The following ANKS1B variants were observed in gnomAD, a reference collection of about 807,000 sequenced individuals.
ANKS1B encodes the protein ankyrin repeat and sterile alpha motif domain containing 1B.
ANKS1B carries 36 observed loss-of-function variants against 148.3 expected under a neutral mutation model. The ratio of observed to expected loss-of-function variants is 0.24; its 90% CI spans 0.19 to 0.32. The LOEUF is 0.32. ANKS1B is among the 10% of genes least tolerant of loss of function. ANKS1B has a pLI of 1.00. For missense variants in ANKS1B, 1,157 were observed against 1,542.6 expected (o/e 0.75, Z 4.19); for synonymous variants, 542 against 560.8 (o/e 0.97, Z 0.47).
chr12:99,911,690 T>TA (rs1356838839), intron 1 of ANKS1B, among the ~76,000 whole-genome samples: 5 of 152,182 alleles, frequency 3.3e-5, no homozygotes, highest in Non-Finnish European at 7.3e-5. Flanking sequence ...AGAATAGTAT[T>TA]AAAAAACCCA....
intron 1 of ANKS1B, among the ~76,000 whole-genome samples, chr12:99,924,257 A>C (rs1368958787): frequency 3.9e-5 from 6 of 152,192 alleles, no homozygotes; most frequent in Non-Finnish European, 5.9e-5. Flanking sequence ...ACATGAGTTT[A>C]TAATGCATGT....
intron 10 of ANKS1B, among the ~76,000 whole-genome samples, chr12:99,474,453 T>G (rs1201778524): frequency 6.6e-6 from 1 of 152,062 alleles, no homozygotes; most frequent in Non-Finnish European, 1.5e-5. Flanking sequence ...GTGGTTACAT[T>G]AAATATAAGT....
At chr12:99,586,420 C>T (rs2097640842) in intron 9 of ANKS1B, among the ~76,000 whole-genome samples, 1 of 152,172 alleles carries the variant, frequency 6.6e-6, no homozygotes, top group Admixed American at 6.5e-5. Context: ...TTGGTCAGAG[C>T]CATTCAACAA....
At chr12:99,391,559 C>G (rs2094070237) in intron 12 of ANKS1B, among the ~76,000 whole-genome samples, 1 of 152,200 alleles carries the variant, frequency 6.6e-6, no homozygotes, top group East Asian at 1.9e-4. Flanking sequence ...GAGATACTCT[C>G]ACAGCACTTT....
At chr12:99,469,529 C>G (rs2096201835) in intron 10 of ANKS1B, among the ~76,000 whole-genome samples, 1 of 152,102 alleles carries the variant, frequency 6.6e-6, no homozygotes, top group Admixed American at 6.6e-5. Context: ...TCTAATTTGT[C>G]TTTATATCAC....
intron 10 of ANKS1B, among the ~76,000 whole-genome samples, chr12:99,464,126 C>T (rs796553958): frequency 2.0e-5 from 3 of 152,144 alleles, no homozygotes; most frequent in Admixed American, 1.3e-4. Context: ...GCAGCATTCG[C>T]GGTTGATGAA....
intron 17 of ANKS1B, among the ~76,000 whole-genome samples, chr12:99,047,108 A>G (rs76878482): frequency 0.011 from 1,731 of 152,268 alleles, 46 homozygotes; most frequent in East Asian, 0.094. Context: ...AGTAATAGAA[A>G]ATATTCTGAG....
intron 1 of ANKS1B, among the ~76,000 whole-genome samples, chr12:99,909,890 T>C (rs1052293273): frequency 1.4e-4 from 21 of 152,134 alleles, no homozygotes; most frequent in Non-Finnish European, 2.5e-4. Flanking sequence ...ATAGTGACTA[T>C]TTCTCCTGGA....
At chr12:99,186,141 C>T (rs2079815438) in intron 14 of ANKS1B, among the ~76,000 whole-genome samples, 2 of 152,204 alleles carry the variant, frequency 1.3e-5, no homozygotes, top group South Asian at 2.1e-4. Flanking sequence ...CAACTGTGCA[C>T]AGCCTACTGC....
chr12:99,916,222 T>C (rs2094165914), intron 1 of ANKS1B, among the ~76,000 whole-genome samples: 1 of 152,192 alleles, frequency 6.6e-6, no homozygotes, highest in African/African-American at 2.4e-5. Context: ...GAGCTAATGT[T>C]TCTCCAATAA....
chr12:99,648,080 C>G (rs1461572343), intron 9 of ANKS1B: 1 of 1,505,078 alleles, frequency 6.6e-7, no homozygotes, highest in East Asian at 2.3e-5. Flanking sequence ...TGCTGGCCCA[C>G]CTGCCAGAGT....
chr12:98,933,513 C>T (rs1482925269), intron 17 of ANKS1B, among the ~76,000 whole-genome samples: 1 of 152,024 alleles, frequency 6.6e-6, no homozygotes, highest in Non-Finnish European at 1.5e-5. Flanking sequence ...GGGATACATA[C>T]CCAGAAGTAG....
chr12:99,268,540 C>A (rs1220763873), intron 12 of ANKS1B, among the ~76,000 whole-genome samples: 1 of 152,164 alleles, frequency 6.6e-6, no homozygotes, highest in Non-Finnish European at 1.5e-5. Flanking sequence ...ACAGAGTTCA[C>A]CCCTTGTAAT....
At chr12:98,966,923 A>G (rs2099878546) in intron 17 of ANKS1B, among the ~76,000 whole-genome samples, 1 of 151,948 alleles carries the variant, frequency 6.6e-6, no homozygotes, top group South Asian at 2.1e-4. Context: ...TAACAGTAGG[A>G]GATATACCTA....
At chr12:98,957,874 C>T (rs180966769) in intron 17 of ANKS1B, among the ~76,000 whole-genome samples, 4 of 152,262 alleles carry the variant, frequency 2.6e-5, no homozygotes, top group African/African-American at 7.2e-5. Flanking sequence ...AGAGTGACTG[C>T]CTTTATAGAC....
At chr12:99,735,567 T>C (rs2059536351) in intron 8 of ANKS1B, among the ~76,000 whole-genome samples, 1 of 151,934 alleles carries the variant, frequency 6.6e-6, no homozygotes. Flanking sequence ...ATCAGGAAGA[T>C]ACAGAAAACC....
chr12:99,047,061 G>A (rs947243788), intron 17 of ANKS1B, among the ~76,000 whole-genome samples: 3 of 152,156 alleles, frequency 2.0e-5, no homozygotes, highest in Non-Finnish European at 4.4e-5. Flanking sequence ...TAATACTGAT[G>A]TATTTGGGGT....
chr12:99,561,695 G>C (rs1021168939), intron 9 of ANKS1B, among the ~76,000 whole-genome samples: 2 of 151,866 alleles, frequency 1.3e-5, no homozygotes, highest in Non-Finnish European at 2.9e-5. Flanking sequence ...CCATCTACAG[G>C]CTCCATTTCT....
At chr12:99,707,101 T>C (rs1600210718) in intron 8 of ANKS1B, among the ~76,000 whole-genome samples, 2 of 152,102 alleles carry the variant, frequency 1.3e-5, no homozygotes, top group Non-Finnish European at 2.9e-5. Context: ...CAGCAATAGA[T>C]GAATAAAGGA....
Sources: allele counts gnomAD v4.1 joint callset (sites outside exome capture counted in the v4.1 genomes callset), GRCh38; gene constraint gnomAD v4.1.1; transcripts MANE v1.5; gene names NCBI Gene and HGNC (gene_info 2026-07-23, HGNC 2026-07-21).